Variants in CACNA1B observed in about 807,000 individuals in gnomAD.
CACNA1B encodes calcium voltage-gated channel subunit alpha1 B, also known as voltage-dependent N-type calcium channel subunit alpha-1B.
A neutral mutation model predicts 247.2 loss-of-function variants in CACNA1B; 70 were observed. The observed-to-expected ratio is 0.28, with a 90% CI of 0.23 to 0.35. The LOEUF (loss-of-function observed/expected upper bound fraction) is 0.35. Ranked by LOEUF, CACNA1B falls within the 10% of genes least tolerant of loss-of-function variation. The pLI, the probability that CACNA1B is intolerant of heterozygous loss-of-function variation, is 1.00. For missense variants in CACNA1B, 2,367 were observed against 3,197.4 expected (o/e 0.74, Z 6.26); for synonymous variants, 1,231 against 1,294.4 (o/e 0.95, Z 1.05).
In CACNA1B at chr9:138,118,650, A is replaced by T; in HGVS notation, c.5914-2A>T. On this transcript the variant is annotated splice_acceptor_variant, in intron 43 of 46. Transcript: ENST00000371372. LOFTEE classifies it high-confidence loss of function. ...GGGACTAGGTGAGTGCTGTATCCACAGGCTGTGGACGTTCAGATGCAGAGC... is the reference window on the plus strand; with the variant it reads ...GGGACTAGGTGAGTGCTGTATCCACTGGCTGTGGACGTTCAGATGCAGAGC... The T allele has an allele frequency of 6.8e-7, 1 of 1,463,302 alleles. No homozygotes were observed. 90.6% of individuals were successfully genotyped at this position (1,463,302 alleles called of 1,614,324 possible). A position where few individuals can be genotyped will look rare whatever the true frequency, so the allele number is the denominator to read the frequency against.
intron 20 of CACNA1B, among the ~76,000 whole-genome samples, chr9:138,028,713 C>G (rs1184314491): frequency 6.6e-6 from 1 of 152,166 alleles, no homozygotes; most frequent in African/African-American, 2.4e-5. Flanking sequence ...CATTTCCTGC[C>G]CAGGTGCTTA....
chr9:137,893,254 C>G (rs1348196819), intron 3 of CACNA1B, among the ~76,000 whole-genome samples: 13 of 136,180 alleles, frequency 9.5e-5, no homozygotes, highest in African/African-American at 3.6e-4. Flanking sequence ...TTTTTTAAAG[C>G]TGACTCTTTT....
chr9:137,947,649 G>C (rs996477214), intron 6 of CACNA1B, among the ~76,000 whole-genome samples: 4 of 151,364 alleles, frequency 2.6e-5, no homozygotes, highest in African/African-American at 9.7e-5. Flanking sequence ...AATTCTCCTG[G>C]TTTCCCTAGT....
chr9:137,958,770 G>A (rs147517705), intron 10 of CACNA1B, among the ~76,000 whole-genome samples: 286 of 152,188 alleles, frequency 1.9e-3, no homozygotes, highest in African/African-American at 6.1e-3. Flanking sequence ...GCCAACCTTC[G>A]CCCTCATCCA....
intron 3 of CACNA1B, among the ~76,000 whole-genome samples, chr9:137,905,562 T>C (rs1957290241): frequency 6.6e-6 from 1 of 152,192 alleles, no homozygotes; most frequent in Admixed American, 6.5e-5. Flanking sequence ...AATTAAAGTG[T>C]AAATATGGTG....
At chr9:138,047,240 G>T (rs1010413970) in intron 22 of CACNA1B, among the ~76,000 whole-genome samples, 159 bp from the exon 23 acceptor site, 1 of 152,216 alleles carries the variant, frequency 6.6e-6, no homozygotes, top group Non-Finnish European at 1.5e-5. Context: ...TTCCCAGACG[G>T]TGCTTGTCAG....
chr9:138,036,186 C>T (rs930323845), intron 20 of CACNA1B, among the ~76,000 whole-genome samples: 1 of 152,088 alleles, frequency 6.6e-6, no homozygotes, highest in Non-Finnish European at 1.5e-5. Context: ...GTCGCCCAGG[C>T]TGGAGTGCAG....
At chr9:138,006,042 C>CA (rs11288171) in intron 15 of CACNA1B, among the ~76,000 whole-genome samples, 2,148 of 67,140 alleles carry the variant, frequency 0.032, 36 homozygotes, top group Non-Finnish European at 0.039. Flanking sequence ...GACTCCATGT[C>CA]AAAAAAAAAA....
intron 3 of CACNA1B, among the ~76,000 whole-genome samples, chr9:137,910,512 T>G (rs921452389): frequency 6.6e-6 from 1 of 152,176 alleles, no homozygotes; most frequent in African/African-American, 2.4e-5. Context: ...TATTGTTACA[T>G]TGTGATATAT....
At chr9:137,937,839 C>T (rs1426239496) in intron 6 of CACNA1B, among the ~76,000 whole-genome samples, 4 of 148,490 alleles carry the variant, frequency 2.7e-5, no homozygotes, top group South Asian at 4.3e-4. Context: ...CCCAGCTACT[C>T]GGGAGGCTGA....
chr9:138,105,987 G>A (rs756362046), intron 39 of CACNA1B, among the ~76,000 whole-genome samples, 180 bp downstream of exon 39: 3 of 152,184 alleles, frequency 2.0e-5, no homozygotes, highest in Admixed American at 6.5e-5. Context: ...CCTGGTAACC[G>A]TCTGCACATT....
intron 32 of CACNA1B, among the ~76,000 whole-genome samples, chr9:138,069,966 G>A (rs758700061): frequency 6.6e-6 from 1 of 152,232 alleles, no homozygotes; most frequent in Non-Finnish European, 1.5e-5. Context: ...CCTCCTGGCA[G>A]CGATTTGATT....
chr9:138,090,701 C>CAAAAAAAAAAAAAAAAA (rs1173964720), intron 36 of CACNA1B, among the ~76,000 whole-genome samples: 3 of 16,594 alleles, frequency 1.8e-4, no homozygotes, highest in South Asian at 5.7e-3. Context: ...AACCCATCAG[C>CAAAAAAAAAAAAAAAAA]AAAAAAAAAA....
intron 34 of CACNA1B, among the ~76,000 whole-genome samples, chr9:138,075,141 G>A (rs1470618699): frequency 1.3e-5 from 2 of 152,220 alleles, no homozygotes; most frequent in East Asian, 1.9e-4. Context: ...TGTTTCAAAG[G>A]TTCACGGAAA....
Position 137,990,119 on chromosome 9 carries a change from C to T in CACNA1B, c.1974+3265C>T, listed in dbSNP as rs913047684. On this transcript the variant is annotated intron_variant, in intron 15 of 46. Coordinates refer to ENST00000371372, the MANE Select transcript of CACNA1B (RefSeq NM_000718.4). This position sits in a 1 kb window ranked among gnomAD's most constrained non-coding sequence, Gnocchi z 4.5. ...GACTCAGTGCTGTTGGGGGTGGGCA[C>T]GGTAGGAGTGAGACCAGCCTTTTGG... Among the ~76,000 whole-genome samples the T allele has an allele frequency of 4.6e-5, 7 of 152,108 alleles. No individual in the cohort carries two copies. Among genetic ancestry groups the T allele is most frequent in the African/African-American group, 1.7e-4 (7 of 41,424 alleles).
intron 38 of CACNA1B, among the ~76,000 whole-genome samples, chr9:138,104,768 C>G (rs1356780141): frequency 6.6e-6 from 1 of 152,242 alleles, no homozygotes; most frequent in Non-Finnish European, 1.5e-5. Context: ...GGACAGTGCT[C>G]CTGGGGCTCC....
chr9:137,994,567 G>T (rs188487034), intron 15 of CACNA1B, among the ~76,000 whole-genome samples: 2 of 152,136 alleles, frequency 1.3e-5, no homozygotes, highest in Non-Finnish European at 2.9e-5. Flanking sequence ...CATTAACAGC[G>T]ATCAAGCTGA....
chr9:138,067,033 A>G (rs1185617257), intron 31 of CACNA1B, among the ~76,000 whole-genome samples: 2 of 152,170 alleles, frequency 1.3e-5, no homozygotes, highest in African/African-American at 4.8e-5. Context: ...GGCAGGGGAG[A>G]GGGGTCATGA....
chr9:138,096,661 A>T, intron 37 of CACNA1B, 50 bp downstream of exon 37: 1 of 1,570,522 alleles, frequency 6.4e-7, no homozygotes, highest in African/African-American at 1.4e-5. Flanking sequence ...CCATGCCCAT[A>T]GATCTTGGGA....
Sources: allele counts gnomAD v4.1 joint callset (sites outside exome capture counted in the v4.1 genomes callset), GRCh38; gene constraint gnomAD v4.1.1; non-coding constraint Gnocchi (gnomAD v3.1); transcripts MANE v1.5; gene names NCBI Gene and HGNC (gene_info 2026-07-23, HGNC 2026-07-21).